POU6F1: variants seen among roughly 807,000 people sequenced by gnomAD.
POU6F1 encodes the protein POU class 6 homeobox 1.
Under a neutral mutation model 28.9 loss-of-function variants are expected in POU6F1, and 9 were observed. That is an observed-to-expected ratio of 0.31 (90% CI 0.19 to 0.54). The LOEUF (loss-of-function observed/expected upper bound fraction) is 0.54. Among genes scored for constraint, POU6F1 ranks in the 20% least tolerant of loss-of-function variants. The pLI, the probability that POU6F1 is intolerant of heterozygous loss-of-function variation, is 0.94. For synonymous variants in POU6F1, 173 were observed against 171.1 expected (o/e 1.01, Z -0.09); for missense variants, 338 against 426.1 (o/e 0.79, Z 1.82).
At chr12:51,191,938 G>A (rs1942444696) in intron 9 of POU6F1, among the ~76,000 whole-genome samples, 174 bp from the exon 10 acceptor site, 1 of 152,228 alleles carries the variant, frequency 6.6e-6, no homozygotes, top group South Asian at 2.1e-4. Flanking sequence ...GAGTTGAAGG[G>A]GCCTAAACTA....
intron 1 of POU6F1, among the ~76,000 whole-genome samples, chr12:51,215,599 A>AT (rs1268011085): frequency 6.7e-6 from 1 of 149,322 alleles, no homozygotes; most frequent in Non-Finnish European, 1.5e-5. Context: ...AAGGTGTAGT[A>AT]TTGGGTTCTG....
Position 51,217,969 on chromosome 12 carries a change from C to T in POU6F1, c.-375G>A, listed in dbSNP as rs1025749691. 6.6e-6 allele frequency among the ~76,000 whole-genome samples: 1 copy of T among 151,968 alleles called. No homozygotes were observed. The highest frequency in any genetic ancestry group is 1.5e-5 in the Non-Finnish European group (1 of 67,930). ...AGGTATATATTTTTCTTCGTTCCCC[C>T]TTCCACGACCCCCCCCTTTTCCCTC... is the stretch of plus-strand genomic sequence containing the variant. On this transcript the variant is annotated 5_prime_UTR_variant, in exon 1 of 11. Coordinates refer to ENST00000333640, the MANE Select transcript of POU6F1 (RefSeq NM_001330422.2). The surrounding 1 kb of genome is among the most constrained non-coding windows in gnomAD (Gnocchi z 5.3).
Position 51,217,288 on chromosome 12 carries a change from C to A in POU6F1, c.-48+354G>T, listed in dbSNP as rs954137300. On this transcript the variant is annotated intron_variant, in intron 1 of 10. Transcript: ENST00000333640. This position sits in a 1 kb window ranked among gnomAD's most constrained non-coding sequence, Gnocchi z 5.3. ...AGAGCGTCCCCTGTGGTCCGCACCC[C>A]ACAAGGGCTCCAGGGGCAGAAACGG... 6.6e-6 allele frequency among the ~76,000 whole-genome samples: 1 copy of A among 152,214 alleles called. No individual in the cohort carries two copies. The highest frequency in any genetic ancestry group is 1.5e-5 in the Non-Finnish European group (1 of 68,024).
Position 51,198,153 on chromosome 12 carries a change from G to T in POU6F1, c.593-130C>A, listed in dbSNP as rs561842608. On this transcript the variant is annotated intron_variant, in intron 5 of 10. Coordinates refer to ENST00000333640, the MANE Select transcript of POU6F1 (RefSeq NM_001330422.2). Reference sequence around the variant, plus strand: ...TGGGCTCAGTGGGGCAGGCAGCCACGATTCCCTTGATCCTTGAAGGGCTGG... The same window carrying T: ...TGGGCTCAGTGGGGCAGGCAGCCACTATTCCCTTGATCCTTGAAGGGCTGG... 5.5e-4 allele frequency: 218 copies of T among 397,942 alleles called. 1 individual carries two copies. Among genetic ancestry groups the T allele is most frequent in the Non-Finnish European group, 6.6e-5 (15 of 226,060 alleles). The allele number at this position is 397,942 out of a possible 1,614,324, so 24.7% of individuals were successfully genotyped here. A position where few individuals can be genotyped will look rare whatever the true frequency, so the allele number is the denominator to read the frequency against.
At chr12:51,214,159 A>T (rs1009128982) in intron 1 of POU6F1, among the ~76,000 whole-genome samples, 49 of 151,938 alleles carry the variant, frequency 3.2e-4, no homozygotes, top group Admixed American at 2.1e-3. Context: ...TAAATAAATA[A>T]AAATAAATAA....
chr12:51,201,763 C>A (rs117097487), intron 3 of POU6F1: 1 of 152,006 alleles, frequency 6.6e-6, no homozygotes, highest in African/African-American at 2.4e-5. Flanking sequence ...ATTAGGGCTG[C>A]TATTGCTTCC....
In POU6F1 at chr12:51,187,180, A is replaced by G. The variant is rs1369735395; in HGVS notation, c.*3067T>C. On this transcript the variant is annotated 3_prime_UTR_variant, in exon 11 of 11. Coordinates refer to ENST00000333640, the MANE Select transcript of POU6F1 (RefSeq NM_001330422.2). ...TCCAAACTCGTGTGTTCCTTAGTCC[A>G]TTTGGCTGAGTTCTTTCCCTGGACT... 1.3e-5 allele frequency: 2 copies of G among 152,188 alleles called. No individual in the cohort carries two copies. The highest frequency in any genetic ancestry group is 2.4e-5 in the African/African-American group (1 of 41,458). 9.4% of individuals were successfully genotyped at this position (152,188 alleles called of 1,614,324 possible). A position where few individuals can be genotyped will look rare whatever the true frequency, so the allele number is the denominator to read the frequency against.
chr12:51,211,034 T>C (rs1454679968), intron 1 of POU6F1, among the ~76,000 whole-genome samples: 2 of 152,264 alleles, frequency 1.3e-5, no homozygotes, highest in African/African-American at 4.8e-5. Flanking sequence ...CCAAATTTTT[T>C]TTGAGCCTCA....
intron 1 of POU6F1, 180 bp from the exon 2 acceptor site, chr12:51,207,063 G>A (rs564519932): frequency 4.0e-5 from 13 of 324,078 alleles, no homozygotes; most frequent in African/African-American, 2.1e-4. Flanking sequence ...TCACTCTGTC[G>A]CCCAGGCTGG....
intron 1 of POU6F1, among the ~76,000 whole-genome samples, chr12:51,209,181 G>A (rs996797692): frequency 3.3e-5 from 5 of 152,120 alleles, no homozygotes; most frequent in African/African-American, 4.8e-5. Context: ...AAAGTGCTCC[G>A]TACAGTGGAA....
intron 3 of POU6F1, among the ~76,000 whole-genome samples, chr12:51,203,437 C>T (rs1943359506): frequency 6.6e-6 from 1 of 152,108 alleles, no homozygotes; most frequent in Non-Finnish European, 1.5e-5. Flanking sequence ...CTGGCCTCAA[C>T]ATAGAAGCAG....
intron 1 of POU6F1, among the ~76,000 whole-genome samples, chr12:51,210,390 C>T (rs767306670): frequency 5.3e-5 from 8 of 152,166 alleles, no homozygotes; most frequent in Admixed American, 4.6e-4. Flanking sequence ...ACATACATTT[C>T]TTGGGGAGAA....
intron 1 of POU6F1, among the ~76,000 whole-genome samples, chr12:51,211,915 G>A (rs927759898): frequency 6.6e-6 from 1 of 152,168 alleles, no homozygotes; most frequent in African/African-American, 2.4e-5. Context: ...ACCTAGTTCT[G>A]CCTGTCATTC....
Position 51,207,189 on chromosome 12 carries a change from A to G in POU6F1, c.-47-306T>C, listed in dbSNP as rs181511674. The G allele has an allele frequency of 3.9e-4, 64 of 164,476 alleles. 1 individual carries two copies. The East Asian group carries it at 9.9e-3, about 25-fold the overall frequency. The allele number at this position is 164,476 out of a possible 1,614,324, so 10.2% of individuals were successfully genotyped here. On this transcript the variant is annotated intron_variant, in intron 1 of 10. Coordinates refer to ENST00000333640, the MANE Select transcript of POU6F1 (RefSeq NM_001330422.2). ...CAGGCATGTGCCACCACGCCAGGCTAATTTTTGTATTTTTAGTAGAGACAG... is the reference window on the plus strand; with the variant it reads ...CAGGCATGTGCCACCACGCCAGGCTGATTTTTGTATTTTTAGTAGAGACAG...
chr12:51,191,501 T>C, intron 10 of POU6F1, 95 bp downstream of exon 10: 1 of 1,416,504 alleles, frequency 7.1e-7, no homozygotes, highest in Non-Finnish European at 9.6e-7. Flanking sequence ...CAAGGGGGCA[T>C]ATGGAAAAGG....
chr12:51,195,593 G>T (rs1238702129), intron 8 of POU6F1, among the ~76,000 whole-genome samples: 1 of 152,180 alleles, frequency 6.6e-6, no homozygotes, highest in Non-Finnish European at 1.5e-5. Context: ...GTGGAGGGAT[G>T]GAGGGGTAGA....
At chr12:51,200,058 G>A (rs534760959) in intron 3 of POU6F1, among the ~76,000 whole-genome samples, 190 bp from the exon 4 acceptor site, 8 of 152,256 alleles carry the variant, frequency 5.3e-5, no homozygotes, top group South Asian at 4.1e-4. Flanking sequence ...TGAATGCTAC[G>A]GTGGTGAGGA....
At position 51,196,048 on chromosome 12, in the gene POU6F1, C is replaced by G. The variant is rs775700754; in HGVS notation, c.1101G>C (p.Ala367=). 2 of 1,586,546 alleles carry G rather than the reference C, an allele frequency of 1.3e-6. No homozygotes were observed. Among genetic ancestry groups the G allele is most frequent in the Non-Finnish European group, 1.7e-6 (2 of 1,164,368 alleles). ...GAGGCAGGGGGCTGCTAGCCAGGGT[C>G]GCAATCACCTGGCCCTGGGCGTTCA... is the stretch of plus-strand genomic sequence containing the variant. ...LLLNAQGQVI[A]TLASSPLPPP... The change falls in exon 8 of 11, where the codon GCG becomes GCC. Residue 367 remains alanine, a synonymous_variant. Transcript: ENST00000333640.
intron 6 of POU6F1, 96 bp downstream of exon 6, chr12:51,197,674 G>T (rs895283579): frequency 5.0e-6 from 2 of 398,638 alleles, no homozygotes; most frequent in South Asian, 1.3e-4. Flanking sequence ...CTGTTTTCGG[G>T]GGGGGCTCGT....
Sources: allele counts gnomAD v4.1 joint callset (sites outside exome capture counted in the v4.1 genomes callset), GRCh38; gene constraint gnomAD v4.1.1; non-coding constraint Gnocchi (gnomAD v3.1); transcripts MANE v1.5; gene names NCBI Gene and HGNC (gene_info 2026-07-23, HGNC 2026-07-21).